The following VIT variants were observed in gnomAD, a reference collection of about 807,000 sequenced individuals.
VIT encodes the protein vitrin.
In VIT, 99 loss-of-function variants were observed where a neutral mutation model predicts 78.0. That is an observed-to-expected ratio of 1.27 (90% CI 1.08 to 1.50). The LOEUF (loss-of-function observed/expected upper bound fraction) is 1.50. Ranked by LOEUF, VIT falls within the 40% of genes most tolerant of loss-of-function variation. The pLI is 0.00. For synonymous variants in VIT, 374 were observed against 334.3 expected (o/e 1.12, Z -1.29); for missense variants, 1,126 against 875.3 (o/e 1.29, Z -3.61).
At chr2:36,786,088 G>T (rs1159940893) in intron 11 of VIT, among the ~76,000 whole-genome samples, 2 of 152,094 alleles carry the variant, frequency 1.3e-5, no homozygotes, top group South Asian at 2.1e-4. Flanking sequence ...CCGTCTGGCC[G>T]CTGCTCCCCA....
intron 14 of VIT, among the ~76,000 whole-genome samples, chr2:36,806,772 C>T (rs1572577968): frequency 6.6e-6 from 1 of 152,086 alleles, no homozygotes; most frequent in African/African-American, 2.4e-5. Context: ...ACCATGTTAG[C>T]CAGGATGGTC....
chr2:36,720,368 G>T (rs769788413), intron 2 of VIT, among the ~76,000 whole-genome samples: 2 of 152,138 alleles, frequency 1.3e-5, no homozygotes, highest in Admixed American at 6.5e-5. Context: ...TTTAACAAAG[G>T]TGACAAGAAC....
At chr2:36,766,572 C>G (rs949758901) in intron 6 of VIT, among the ~76,000 whole-genome samples, 3 of 152,068 alleles carry the variant, frequency 2.0e-5, no homozygotes, top group African/African-American at 7.2e-5. Context: ...TCCTTGCCAT[C>G]CAGGTAGTTC....
intron 8 of VIT, chr2:36,774,678 TTGCCAATGCACA>T: frequency 1.0e-6 from 1 of 985,418 alleles, no homozygotes; most frequent in Non-Finnish European, 1.2e-6. Flanking sequence ...AATTGCACCT[TTGCCAATGCACA>T]TGCTGTTGTC....
chr2:36,709,934 A>C (rs114644630), intron 1 of VIT, among the ~76,000 whole-genome samples: 1,591 of 152,322 alleles, frequency 0.01, 37 homozygotes, highest in African/African-American at 0.036. Context: ...AGGTGAATGC[A>C]CAATCAGACC....
At chr2:36,813,061 A>C (rs561431774) in intron 15 of VIT, among the ~76,000 whole-genome samples, 3 of 147,130 alleles carry the variant, frequency 2.0e-5, no homozygotes, top group African/African-American at 2.5e-5. Context: ...AAAAAATAGG[A>C]TTTTTTGTGA....
chr2:36,731,800 G>T (rs976655316), intron 3 of VIT, among the ~76,000 whole-genome samples: 1 of 152,204 alleles, frequency 6.6e-6, no homozygotes, highest in African/African-American at 2.4e-5. Context: ...GGCTTTAGAT[G>T]CAGTCAACAT....
At chr2:36,773,181 G>T (rs186240896) in intron 7 of VIT, among the ~76,000 whole-genome samples, 7 of 152,160 alleles carry the variant, frequency 4.6e-5, no homozygotes, top group Non-Finnish European at 1.0e-4. Context: ...CCCATGAGTG[G>T]CACAGTTGAG....
intron 1 of VIT, among the ~76,000 whole-genome samples, chr2:36,705,436 G>A (rs1039388162): frequency 6.6e-6 from 1 of 152,114 alleles, no homozygotes; most frequent in African/African-American, 2.4e-5. Context: ...TTGTGGATGT[G>A]GTAAGCATTA....
chr2:36,798,222 C>G (rs1188736350), intron 12 of VIT, among the ~76,000 whole-genome samples: 1 of 152,160 alleles, frequency 6.6e-6, no homozygotes, highest in African/African-American at 2.4e-5. Flanking sequence ...GCGGGCAGAA[C>G]TGAGGACTGA....
chr2:36,778,887 A>T (rs1322166506), intron 9 of VIT, among the ~76,000 whole-genome samples: 1 of 151,992 alleles, frequency 6.6e-6, no homozygotes, highest in African/African-American at 2.4e-5. Context: ...TAAAGACTAC[A>T]CCCCAGGGGA....
chr2:36,756,967 A>C (rs1192729631), intron 5 of VIT, among the ~76,000 whole-genome samples: 2 of 152,180 alleles, frequency 1.3e-5, no homozygotes, highest in Admixed American at 6.5e-5. Context: ...TATTCCCTAT[A>C]AATCTCGACT....
chr2:36,769,825 A>G (rs958347119), intron 7 of VIT, among the ~76,000 whole-genome samples: 2 of 152,098 alleles, frequency 1.3e-5, no homozygotes, highest in African/African-American at 4.8e-5. Context: ...GTGCCCATAA[A>G]CAGTTACTCA....
At chr2:36,739,319 T>C (rs559702506) in intron 3 of VIT, among the ~76,000 whole-genome samples, 1 of 152,354 alleles carries the variant, frequency 6.6e-6, no homozygotes, top group African/African-American at 2.4e-5. Context: ...AAATAAGGAA[T>C]CTGCAGTTTG....
chr2:36,773,680 C>A, intron 7 of VIT, 111 bp from the exon 8 acceptor site: 2 of 927,448 alleles, frequency 2.2e-6, no homozygotes, highest in African/African-American at 1.7e-5. Flanking sequence ...GCTGAGATCG[C>A]ACCACTGCAC....
chr2:36,744,847 T>C (rs557533001), intron 4 of VIT, among the ~76,000 whole-genome samples: 35 of 152,338 alleles, frequency 2.3e-4, no homozygotes, highest in African/African-American at 7.9e-4. Flanking sequence ...ATTTTTGTTT[T>C]TGTTGCAATT....
In VIT at chr2:36,814,338, T is replaced by A. The variant is rs755751625; in HGVS notation, c.2059T>A (p.Phe687Ile). The change falls in exon 16 of 16, where the codon TTC (phenylalanine) becomes ATC (isoleucine). Residue 687 changes from phenylalanine to isoleucine, a missense_variant. Phe to Ile is a conservative substitution (Grantham distance 21, BLOSUM62 0). Coordinates refer to ENST00000379242, the MANE Select transcript of VIT (RefSeq NM_053276.4). ...GATCATCCAGAACATTTGTACAGAGTTCAACTCACAGCCTCGGAACTGAAT... is the reference window on the plus strand; with the variant it reads ...GATCATCCAGAACATTTGTACAGAGATCAACTCACAGCCTCGGAACTGAAT... ...PRIIQNICTE[F>I]NSQPRN 1.2e-6 allele frequency: 2 copies of A among 1,614,092 alleles called. No homozygotes were observed. The highest frequency in any genetic ancestry group is 2.2e-5 in the East Asian group (1 of 44,874).
At chr2:36,703,239 G>A (rs943708255) in intron 1 of VIT, among the ~76,000 whole-genome samples, 2 of 152,230 alleles carry the variant, frequency 1.3e-5, no homozygotes, top group African/African-American at 4.8e-5. Context: ...CTGAGAGAGG[G>A]AGTCAGAGAT....
At chr2:36,754,137 G>C (rs1247288912) in intron 4 of VIT, among the ~76,000 whole-genome samples, 1 of 152,182 alleles carries the variant, frequency 6.6e-6, no homozygotes, top group South Asian at 2.1e-4. Context: ...GGGAGGTTGA[G>C]GGTTGAACGT....
Sources: gnomAD v4.1 joint callset for allele counts (sites outside exome capture counted in the v4.1 genomes callset) on GRCh38, gnomAD v4.1.1 for gene constraint, MANE v1.5 for transcripts, NCBI Gene and HGNC (gene_info 2026-07-23, HGNC 2026-07-21) for gene names.